The following FHDC1 variants were observed in gnomAD, a reference collection of about 807,000 sequenced individuals.
The protein encoded by FHDC1 is FH2 domain-containing protein 1.
Under a neutral mutation model 52.6 loss-of-function variants are expected in FHDC1, and 25 were observed. The ratio of observed to expected loss-of-function variants is 0.48; its 90% CI spans 0.35 to 0.66. FHDC1 has a LOEUF of 0.66. Ranked by LOEUF, FHDC1 falls within the 30% of genes least tolerant of loss-of-function variation. The pLI is 0.01. For synonymous variants in FHDC1, 616 were observed against 581.5 expected (o/e 1.06, Z -0.85); for missense variants, 1,459 against 1,452.8 (o/e 1.00, Z -0.07).
intron 4 of FHDC1, among the ~76,000 whole-genome samples, chr4:152,958,141 C>T (rs1408289661): frequency 2.6e-5 from 4 of 152,252 alleles, no homozygotes; most frequent in African/African-American, 9.6e-5. Context: ...CCATTTCAAG[C>T]CATGTGACTG....
At position 152,975,943 on chromosome 4, in the gene FHDC1, G is replaced by C. The variant is rs753995925; in HGVS notation, c.2652G>C (p.Gln884His). 5 of 1,514,434 alleles carry C rather than the reference G, an allele frequency of 3.3e-6. No homozygotes were observed. Among genetic ancestry groups the C allele is most frequent in the Admixed American group, 4.6e-5 (2 of 43,884 alleles). The allele number at this position is 1,514,434 out of a possible 1,614,324, so 93.8% of individuals were successfully genotyped here. Residue 884 changes from glutamine to histidine, a missense_variant, in exon 12 of 12, where the codon CAG becomes CAC. Physicochemically the swap from Gln to His is conservative, Grantham distance 24. Transcript: ENST00000511601. ...AGCCCGGGAGCGCCCGGCGGAGCCAGGGGGCAGTGGCCAAGTCTGTGCGGA... is the reference window on the plus strand; with the variant it reads ...AGCCCGGGAGCGCCCGGCGGAGCCACGGGGCAGTGGCCAAGTCTGTGCGGA... ...ASKPGSARRS[Q>H]GAVAKSVRTL...
At chr4:152,912,687 A>C in the FHDC1 span, among the ~76,000 whole-genome samples, 1 of 152,222 alleles carries the variant, frequency 6.6e-6, no homozygotes, top group Admixed American at 6.5e-5. Context: ...ACAATCACCA[A>C]CTGGAGAGTT....
At chr4:152,953,424 G>A (rs72970304) in intron 2 of FHDC1, 75 bp from the exon 3 acceptor site, 2 of 1,243,930 alleles carry the variant, frequency 1.6e-6, no homozygotes, top group Admixed American at 3.7e-5. Context: ...ATTTTGATCG[G>A]TTTTAATTAT....
intron 9 of FHDC1, 78 bp downstream of exon 9, chr4:152,965,053 C>T: frequency 1.5e-6 from 2 of 1,364,530 alleles, no homozygotes; most frequent in Non-Finnish European, 2.0e-6. Flanking sequence ...CTTTTAGATT[C>T]CAGTTTGAAG....
upstream of FHDC1, among the ~76,000 whole-genome samples, chr4:152,933,811 C>T (rs1561198165): frequency 2.0e-5 from 3 of 150,512 alleles, no homozygotes; most frequent in South Asian, 2.1e-4. Flanking sequence ...TGAAATGGGA[C>T]GCATCCAATT....
At position 152,975,432 on chromosome 4, in the gene FHDC1, C is replaced by T. The variant is rs544796631; in HGVS notation, c.2141C>T (p.Pro714Leu). 6.6e-5 allele frequency: 106 copies of T among 1,613,426 alleles called. No homozygotes were observed. In the East Asian group the frequency reaches 1.1e-3, roughly 17 times the overall value. ...MELESVGHRG[P>L]QSLSASSSSL... ...CTAGAGTCTGTGGGGCATAGGGGCC[C>T]GCAGTCCCTCAGTGCCAGCAGCAGC... Residue 714 changes from proline (P) to leucine (L), a missense_variant, in exon 12 of 12, where the codon CCG becomes CTG. Around this residue, in one of 3 missense-constraint regions of FHDC1, gnomAD observed 939 missense variants for 854.5 expected, o/e 1.10. Coordinates refer to ENST00000511601, the MANE Select transcript of FHDC1 (RefSeq NM_001371116.1).
At chr4:152,932,873 T>G (rs1312674123), upstream of FHDC1, among the ~76,000 whole-genome samples, 1 of 152,170 alleles carries the variant, frequency 6.6e-6, no homozygotes, top group Non-Finnish European at 1.5e-5. Flanking sequence ...AAATACTTGA[T>G]GTAGGAGAAA....
rs1462865470 is a variant in FHDC1 at position 152,978,640 on chromosome 4, T to TA, written c.*1919dup. On this transcript the variant is annotated 3_prime_UTR_variant, in exon 12 of 12. Coordinates refer to ENST00000511601, the MANE Select transcript of FHDC1 (RefSeq NM_001371116.1). ...GGGGAAATTCTTGGAATTTTTTTTT[T>TA]AAGAAACTTTTTTGTGTTTTTTTTA... The TA allele has an allele frequency of 2.6e-5, 4 of 152,214 alleles. No individual in the cohort carries two copies. Among genetic ancestry groups the TA allele is most frequent in the Admixed American group, 1.3e-4 (2 of 15,294 alleles). The allele number at this position is 152,214 out of a possible 1,614,324, so 9.4% of individuals were successfully genotyped here. A position where few individuals can be genotyped will look rare whatever the true frequency, so the allele number is the denominator to read the frequency against.
intron 2 of FHDC1, among the ~76,000 whole-genome samples, chr4:152,951,268 C>A (rs988775485): frequency 4.6e-5 from 7 of 152,102 alleles, no homozygotes; most frequent in Non-Finnish European, 5.9e-5. Flanking sequence ...TTCTAATGAA[C>A]CCAGTTTTCT....
intron 4 of FHDC1, among the ~76,000 whole-genome samples, chr4:152,955,821 C>T (rs141506998): frequency 5.3e-5 from 8 of 152,218 alleles, no homozygotes; most frequent in Admixed American, 3.9e-4. Context: ...AATATGTTAT[C>T]CTTTTCACAG....
chr4:152,948,203 A>C (rs1739794538), intron 2 of FHDC1, among the ~76,000 whole-genome samples: 1 of 152,202 alleles, frequency 6.6e-6, no homozygotes, highest in African/African-American at 2.4e-5. Context: ...TCAGGACTTG[A>C]AGTGGGATGG....
chr4:152,975,796 C>G lies in FHDC1; in HGVS notation c.2505C>G (p.Pro835=). The G allele has an allele frequency of 6.5e-7, 1 of 1,536,892 alleles. No homozygotes were observed. Among genetic ancestry groups the G allele is most frequent in the Non-Finnish European group, 8.8e-7 (1 of 1,142,458 alleles). ...TSSPPGEAPA[P]VSVDSEPSCK... The stretch of plus-strand genomic sequence containing the variant: ...GCCCCCCTGGGGAGGCTCCTGCCCC[C>G]GTCTCTGTGGATAGTGAGCCCAGCT... The change falls in exon 12 of 12, where the codon CCC becomes CCG. Residue 835 remains proline, a synonymous_variant. Transcript: ENST00000511601.
chr4:152,965,002 A>C, intron 9 of FHDC1, 27 bp downstream of exon 9: 4 of 1,579,902 alleles, frequency 2.5e-6, no homozygotes, highest in Non-Finnish European at 3.4e-6. Context: ...TGAGAATTCA[A>C]GATTCTTTAC....
intron 3 of FHDC1, 25 bp downstream of exon 3, chr4:152,953,585 CTT>C (rs1462418758): frequency 6.3e-7 from 1 of 1,587,520 alleles, no homozygotes; most frequent in Non-Finnish European, 8.6e-7. Flanking sequence ...ACATTTGAAA[CTT>C]TAGTCATATC....
chr4:152,932,392 A>G (rs544897836), upstream of FHDC1, among the ~76,000 whole-genome samples: 3 of 142,952 alleles, frequency 2.1e-5, no homozygotes, highest in Admixed American at 7.5e-5. Flanking sequence ...ACAGAGTGAG[A>G]CTCTATCTCA....
rs866399647 is a variant in FHDC1 at position 152,949,151 on chromosome 4, G to T, written c.499-4348G>T. Among the ~76,000 whole-genome samples the T allele has an allele frequency of 5.3e-3, 786 of 149,500 alleles. 3 individuals are homozygous for T. The highest frequency in any genetic ancestry group is 0.024 in the Middle Eastern group (7 of 286). On this transcript the variant is annotated intron_variant, in intron 2 of 11. Transcript: ENST00000511601. ...AGAAGAAGAAGAAGAAGAAGAAGAAGAAGAAGAAGAAGAAGAAGAAGCAGA... is the reference window on the plus strand; with the variant it reads ...AGAAGAAGAAGAAGAAGAAGAAGAATAAGAAGAAGAAGAAGAAGAAGCAGA...
At chr4:152,965,081 C>T (rs931968679) in intron 9 of FHDC1, 106 bp downstream of exon 9, 72 of 1,092,386 alleles carry the variant, frequency 6.6e-5, no homozygotes, top group Non-Finnish European at 9.0e-5. Context: ...GGTTTTGTTT[C>T]ATTGAACTTT....
intron 4 of FHDC1, among the ~76,000 whole-genome samples, chr4:152,957,241 C>T (rs1740116830): frequency 6.6e-6 from 1 of 152,214 alleles, no homozygotes; most frequent in Non-Finnish European, 1.5e-5. Flanking sequence ...AGGACTAAAC[C>T]TTTATTGAGT....
In FHDC1 at chr4:152,942,984, G is replaced by A. The variant is rs1739615881; in HGVS notation, c.-74G>A. Reference sequence around the variant, plus strand: ...GCGGCAGATAGCAGCAGGTGAAAAAGTGCTACACAAGTTTGATGTTTGTGT... The same window carrying A: ...GCGGCAGATAGCAGCAGGTGAAAAAATGCTACACAAGTTTGATGTTTGTGT... On this transcript the variant is annotated 5_prime_UTR_variant, in exon 2 of 12. It adds an upstream start codon to the 5' untranslated region. Coordinates refer to ENST00000511601, the MANE Select transcript of FHDC1 (RefSeq NM_001371116.1). The A allele has an allele frequency of 1.3e-6, 2 of 1,514,200 alleles. No individual in the cohort carries two copies. Among genetic ancestry groups the A allele is most frequent in the African/African-American group, 1.4e-5 (1 of 72,538 alleles). The allele number at this position is 1,514,200 out of a possible 1,614,324, so 93.8% of individuals were successfully genotyped here.
Sources: allele counts gnomAD v4.1 joint callset (sites outside exome capture counted in the v4.1 genomes callset), GRCh38; gene constraint gnomAD v4.1.1; regional missense constraint gnomAD v4.1.1; transcripts MANE v1.5; gene names NCBI Gene and HGNC (gene_info 2026-07-23, HGNC 2026-07-21).